STPG1: variants seen among roughly 807,000 people sequenced by gnomAD.
The protein encoded by STPG1 is sperm tail PG-rich repeat containing 1, also known as O(6)-methylguanine-induced apoptosis 2.
Under a neutral mutation model 40.1 loss-of-function variants are expected in STPG1, and 33 were observed. The observed-to-expected ratio is 0.82, with a 90% CI of 0.62 to 1.10. The LOEUF (loss-of-function observed/expected upper bound fraction) is 1.10. Ranked by LOEUF, STPG1 falls within the 50% of genes least tolerant of loss-of-function variation. The probability of loss-of-function intolerance (pLI) is 0.00; values close to 1 mark genes in which losing one functional copy is unlikely to be tolerated. For missense variants in STPG1, 396 were observed against 415.1 expected (o/e 0.95, Z 0.40); for synonymous variants, 150 against 155.0 (o/e 0.97, Z 0.24).
rs756296909 is a variant in STPG1 at position 24,359,268 on chromosome 1, T to C, written c.929-649A>G. On this transcript the variant is annotated intron_variant, in intron 8 of 8. Coordinates refer to ENST00000337248, the MANE Select transcript of STPG1 (RefSeq NM_001199013.2). The surrounding 1 kb of genome is among the most constrained non-coding windows in gnomAD (Gnocchi z 5.3). ...CATGGGTGATCAGAGCGGCAGGAGCTGCCTGTCTCTGTGTGCCAGGTGCCT... is the reference window on the plus strand; with the variant it reads ...CATGGGTGATCAGAGCGGCAGGAGCCGCCTGTCTCTGTGTGCCAGGTGCCT... Among the ~76,000 whole-genome samples, 14 of 152,352 alleles carry C rather than the reference T, an allele frequency of 9.2e-5. No homozygotes were observed. Among genetic ancestry groups the C allele is most frequent in the Non-Finnish European group, 1.6e-4 (11 of 68,034 alleles).
In STPG1 at chr1:24,373,913, G is replaced by A. The variant is rs138146140; in HGVS notation, c.463-103C>T. ...AAATCTACGTAAAAAAAATCAAACCGAAACCTGTCCTTCTTAGCAAATGAA... is the reference window on the plus strand; with the variant it reads ...AAATCTACGTAAAAAAAATCAAACCAAAACCTGTCCTTCTTAGCAAATGAA... On this transcript the variant is annotated intron_variant, in intron 5 of 8. Coordinates refer to ENST00000337248, the MANE Select transcript of STPG1 (RefSeq NM_001199013.2). 63 of 812,972 alleles carry A rather than the reference G, an allele frequency of 7.7e-5. No homozygotes were observed. In the East Asian group the frequency reaches 9.6e-4, roughly 12 times the overall value. 50.4% of individuals were successfully genotyped at this position (812,972 alleles called of 1,614,324 possible). A position where few individuals can be genotyped will look rare whatever the true frequency, so the allele number is the denominator to read the frequency against.
intron 4 of STPG1, among the ~76,000 whole-genome samples, chr1:24,381,133 A>T (rs913718175): frequency 6.6e-6 from 1 of 152,176 alleles, no homozygotes; most frequent in African/African-American, 2.4e-5. Flanking sequence ...CTACCCAAGC[A>T]GTCAGCCTCC....
rs1640876843 is a variant in STPG1 at position 24,358,567 on chromosome 1, G to A, written c.981C>T (p.Asp327=). 1.9e-6 allele frequency: 3 copies of A among 1,613,930 alleles called. No homozygotes were observed. The highest frequency in any genetic ancestry group is 1.7e-5 in the Admixed American group (1 of 60,002). ...PGKQSFLYNE[D]KKWIPVL is the part of the protein sequence containing the mutation. ...CCTACAGAACCGGGATCCATTTCTT[G>A]TCCTCGTTGTAGAGGAAGGACTGCT... The change falls in exon 9 of 9, where the codon GAC becomes GAT. Residue 327 remains aspartate (D), a synonymous_variant. Coordinates refer to ENST00000337248, the MANE Select transcript of STPG1 (RefSeq NM_001199013.2).
At chr1:24,371,748 A>G (rs1641755659) in intron 6 of STPG1, among the ~76,000 whole-genome samples, 2 of 152,244 alleles carry the variant, frequency 1.3e-5, no homozygotes, top group Non-Finnish European at 1.5e-5. Context: ...TACAAAATAC[A>G]GAAAACAATG....
At chr1:24,404,724 A>G (rs888708829) in intron 1 of STPG1, among the ~76,000 whole-genome samples, 1 of 152,178 alleles carries the variant, frequency 6.6e-6, no homozygotes, top group Admixed American at 6.5e-5. Context: ...TATCCTTTCA[A>G]TATCTGCAGG....
intron 6 of STPG1, among the ~76,000 whole-genome samples, chr1:24,371,980 C>G (rs1437404229): frequency 6.6e-6 from 1 of 152,184 alleles, no homozygotes; most frequent in East Asian, 1.9e-4. Context: ...GAGTTTGAGA[C>G]CAGCCTGGCC....
chr1:24,360,371 C>T (rs1017890036), intron 8 of STPG1, among the ~76,000 whole-genome samples: 3 of 152,168 alleles, frequency 2.0e-5, no homozygotes, highest in Admixed American at 2.0e-4. Context: ...ATTGCCTGAA[C>T]CTGGGAGGCG....
At chr1:24,403,166 A>C (rs767273597) in intron 1 of STPG1, among the ~76,000 whole-genome samples, 2 of 152,130 alleles carry the variant, frequency 1.3e-5, no homozygotes, top group Non-Finnish European at 2.9e-5. Flanking sequence ...TTTTATTTTC[A>C]TTTTATTGCA....
At chr1:24,407,782 T>C (rs565915350) in intron 1 of STPG1, among the ~76,000 whole-genome samples, 1 of 152,342 alleles carries the variant, frequency 6.6e-6, no homozygotes, top group Admixed American at 6.5e-5. Context: ...ATCCCATCCA[T>C]TGCATTCTTA....
chr1:24,363,392 C>T (rs935957618), intron 7 of STPG1, among the ~76,000 whole-genome samples: 12 of 152,306 alleles, frequency 7.9e-5, no homozygotes, highest in African/African-American at 1.4e-4. Flanking sequence ...TACTAAGACA[C>T]GGACTTGAGT....
At chr1:24,402,415 T>C (rs1191871647) in intron 1 of STPG1, among the ~76,000 whole-genome samples, 1 of 145,662 alleles carries the variant, frequency 6.9e-6, no homozygotes, top group East Asian at 2.1e-4. Context: ...GATATTTTCA[T>C]GTGCTTATTT....
intron 3 of STPG1, among the ~76,000 whole-genome samples, chr1:24,387,754 G>A (rs1642577304): frequency 6.6e-6 from 1 of 152,172 alleles, no homozygotes; most frequent in African/African-American, 2.4e-5. Context: ...CCCTTAGGAA[G>A]GGGTACTGGT....
rs1241175181 is a variant in STPG1 at position 24,401,443 on chromosome 1, G to A, written c.-55C>T. On this transcript the variant is annotated 5_prime_UTR_variant, in exon 2 of 9. Coordinates refer to ENST00000337248, the MANE Select transcript of STPG1 (RefSeq NM_001199013.2). ...TGTTTGATGAAAAGTTCTACTGCAT[G>A]TTCTCCTAAGCACCTGAAACAGCAA... 2.5e-5 allele frequency: 38 copies of A among 1,490,306 alleles called. No homozygotes were observed. The highest frequency in any genetic ancestry group is 3.5e-5 in the Non-Finnish European group (38 of 1,071,028). 92.3% of individuals were successfully genotyped at this position (1,490,306 alleles called of 1,614,324 possible). A position where few individuals can be genotyped will look rare whatever the true frequency, so the allele number is the denominator to read the frequency against.
chr1:24,396,455 G>A (rs1643010725), intron 2 of STPG1, among the ~76,000 whole-genome samples: 1 of 152,122 alleles, frequency 6.6e-6, no homozygotes, highest in Admixed American at 6.5e-5. Flanking sequence ...GATTGCAAGT[G>A]TGAGCCACCA....
In STPG1 at chr1:24,391,546, A is replaced by G; in HGVS notation, c.189+15T>C. On this transcript the variant is annotated intron_variant, in intron 3 of 8. Transcript: ENST00000337248. ...CCAGACTAAAACGAAAGAACCCCTG[A>G]GACAACGTCATTACCTTCTTATGAG... 1 of 1,450,250 alleles carries G rather than the reference A, an allele frequency of 6.9e-7. No individual in the cohort carries two copies. The highest frequency in any genetic ancestry group is 9.5e-7 in the Non-Finnish European group (1 of 1,057,400). 89.8% of individuals were successfully genotyped at this position (1,450,250 alleles called of 1,614,324 possible).
chr1:24,397,640 T>C (rs964298472), intron 2 of STPG1, among the ~76,000 whole-genome samples: 6 of 152,118 alleles, frequency 3.9e-5, no homozygotes, highest in African/African-American at 1.4e-4. Flanking sequence ...ATTCATCATA[T>C]TAACGGACTA....
At chr1:24,414,345 C>T (rs1376119385), upstream of STPG1, 1 of 149,250 alleles carries the variant, frequency 6.7e-6, no homozygotes, top group Non-Finnish European at 1.5e-5. Flanking sequence ...CACGCCCGGC[C>T]CCAAGCCCTG....
At chr1:24,374,544 C>T (rs1641931156) in intron 5 of STPG1, among the ~76,000 whole-genome samples, 1 of 151,976 alleles carries the variant, frequency 6.6e-6, no homozygotes, top group African/African-American at 2.4e-5. Flanking sequence ...CAGGCGTGAG[C>T]CACTGCGCCC....
intron 6 of STPG1, among the ~76,000 whole-genome samples, chr1:24,373,109 G>A (rs1641830982): frequency 6.6e-6 from 1 of 152,136 alleles, no homozygotes; most frequent in Non-Finnish European, 1.5e-5. Flanking sequence ...GTGACACTGG[G>A]CAAGTCATTT....
Sources: allele counts gnomAD v4.1 joint callset (sites outside exome capture counted in the v4.1 genomes callset), GRCh38; gene constraint gnomAD v4.1.1; non-coding constraint Gnocchi (gnomAD v3.1); transcripts MANE v1.5; gene names NCBI Gene and HGNC (gene_info 2026-07-23, HGNC 2026-07-21).